Variants in ROBO1 observed in about 807,000 individuals in gnomAD.
ROBO1 encodes roundabout homolog 1.
Under a neutral mutation model 195.9 loss-of-function variants are expected in ROBO1, and 149 were observed. That is an observed-to-expected ratio of 0.76 (90% CI 0.67 to 0.87). The LOEUF is 0.87. Among genes scored for constraint, ROBO1 ranks in the 40% least tolerant of loss-of-function variants. The probability of loss-of-function intolerance (pLI) is 0.00; values close to 1 mark genes in which losing one functional copy is unlikely to be tolerated. For missense variants in ROBO1, 1,933 were observed against 2,068.3 expected, an observed-to-expected ratio of 0.93 and a Z score of 1.27; for synonymous variants, 816 against 733.2, an observed-to-expected ratio of 1.11 and a Z score of -1.82.
chr3:79,163,415 G>A (rs553637414), intron 2 of ROBO1, among the ~76,000 whole-genome samples: 1 of 151,982 alleles, frequency 6.6e-6, no homozygotes, highest in Non-Finnish European at 1.5e-5. Flanking sequence ...CATTTTGCTG[G>A]TTCATTCATC....
intron 2 of ROBO1, among the ~76,000 whole-genome samples, chr3:79,193,144 C>A (rs1437597999): frequency 6.6e-6 from 1 of 151,496 alleles, no homozygotes; most frequent in Admixed American, 6.6e-5. Context: ...ATGGATATAG[C>A]AAGAAGTGGA....
At chr3:79,079,914 AAATG>A (rs1249614232) in intron 3 of ROBO1, among the ~76,000 whole-genome samples, 1 of 151,882 alleles carries the variant, frequency 6.6e-6, no homozygotes, top group Non-Finnish European at 1.5e-5. Flanking sequence ...TTTTAAATAA[AAATG>A]AACACTTGAA....
At chr3:78,702,921 C>T (rs952343663) in intron 8 of ROBO1, among the ~76,000 whole-genome samples, 7 of 152,132 alleles carry the variant, frequency 4.6e-5, no homozygotes, top group Non-Finnish European at 8.8e-5. Flanking sequence ...CCTGACTGCT[C>T]GACTTATTTC....
intron 4 of ROBO1, among the ~76,000 whole-genome samples, chr3:78,869,945 A>T (rs2035448412): frequency 2.0e-5 from 3 of 152,178 alleles, no homozygotes; most frequent in Admixed American, 6.5e-5. Flanking sequence ...TTCACCTCAA[A>T]TTCTTCCTTA....
rs1055576125 is a variant in ROBO1, at chr3:78,659,588, C to A, written c.2442+98G>T. ...TGTTGCTATTTGGACCAGCAGATGG[C>A]GCCAAATATCCATAAACAAATACCA... On this transcript the variant is annotated intron_variant, in intron 17 of 30. Coordinates refer to ENST00000464233, the MANE Select transcript of ROBO1 (RefSeq NM_002941.4). The A allele has an allele frequency of 1.3e-5, 12 of 908,454 alleles. No individual in the cohort carries two copies. The African/African-American group carries it at 1.6e-4, about 12-fold the overall frequency. 56.3% of individuals were successfully genotyped at this position (908,454 alleles called of 1,614,324 possible). A position where few individuals can be genotyped will look rare whatever the true frequency, so the allele number is the denominator to read the frequency against.
At chr3:79,559,758 A>C (rs1942839433) in intron 2 of ROBO1, among the ~76,000 whole-genome samples, 1 of 152,098 alleles carries the variant, frequency 6.6e-6, no homozygotes, top group African/African-American at 2.4e-5. Context: ...CTCTACTAAA[A>C]ACACAAAAAT....
chr3:79,573,393 C>A (rs141432499), intron 2 of ROBO1, among the ~76,000 whole-genome samples: 224 of 152,000 alleles, frequency 1.5e-3, no homozygotes, highest in African/African-American at 5.1e-3. Context: ...AGTGAGTGCT[C>A]AATAAATGGA....
At chr3:79,061,047 G>A (rs1180793822) in intron 3 of ROBO1, among the ~76,000 whole-genome samples, 1 of 152,122 alleles carries the variant, frequency 6.6e-6, no homozygotes, top group Admixed American at 6.6e-5. Context: ...GTTAGGAAAA[G>A]AGGAAGTCAA....
chr3:78,653,457 A>C (rs925879945), intron 18 of ROBO1, among the ~76,000 whole-genome samples: 1 of 152,138 alleles, frequency 6.6e-6, no homozygotes, highest in African/African-American at 2.4e-5. Context: ...GGAACTCCCC[A>C]AAGGAAACCT....
chr3:79,108,369 TA>T (rs201394369), intron 3 of ROBO1, among the ~76,000 whole-genome samples: 8 of 150,928 alleles, frequency 5.3e-5, no homozygotes, highest in East Asian at 1.9e-4. Context: ...TAAAGATAAA[TA>T]AAAAAAAACT....
intron 3 of ROBO1, among the ~76,000 whole-genome samples, chr3:79,010,368 T>C (rs924508085): frequency 6.6e-6 from 1 of 152,190 alleles, no homozygotes; most frequent in Non-Finnish European, 1.5e-5. Flanking sequence ...TTTTTCATAC[T>C]GACAGACAGG....
intron 2 of ROBO1, among the ~76,000 whole-genome samples, chr3:79,285,409 A>T (rs1365613466): frequency 1.3e-5 from 2 of 152,240 alleles, no homozygotes; most frequent in Non-Finnish European, 1.5e-5. Flanking sequence ...AGTTATAAAC[A>T]TAGAATAGCC....
At chr3:79,545,157 T>C (rs985297259) in intron 2 of ROBO1, among the ~76,000 whole-genome samples, 1 of 152,140 alleles carries the variant, frequency 6.6e-6, no homozygotes, top group Non-Finnish European at 1.5e-5. Context: ...TTAAATAAAC[T>C]GCAGAGTTCC....
At chr3:79,253,731 AAAG>A (rs1559767582) in intron 2 of ROBO1, among the ~76,000 whole-genome samples, 1 of 152,216 alleles carries the variant, frequency 6.6e-6, no homozygotes, top group South Asian at 2.1e-4. Flanking sequence ...AAATCTTAAT[AAAG>A]AAGGAGGAAA....
chr3:79,609,699 A>G (rs1378727574), intron 1 of ROBO1, among the ~76,000 whole-genome samples: 2 of 151,934 alleles, frequency 1.3e-5, no homozygotes, highest in East Asian at 1.9e-4. Context: ...GTCACATGCT[A>G]TGACATGGAA....
At chr3:79,608,687 A>G (rs1944563907) in intron 1 of ROBO1, among the ~76,000 whole-genome samples, 1 of 151,972 alleles carries the variant, frequency 6.6e-6, no homozygotes, top group Non-Finnish European at 1.5e-5. Flanking sequence ...TCATGTAAAT[A>G]GGGCCATAGA....
chr3:78,738,272 C>CA (rs1180320036), intron 5 of ROBO1, among the ~76,000 whole-genome samples: 1 of 151,972 alleles, frequency 6.6e-6, no homozygotes, highest in Non-Finnish European at 1.5e-5. Flanking sequence ...CAATGGAAAT[C>CA]AAAGAAACCT....
At chr3:79,189,586 C>G (rs561643676) in intron 2 of ROBO1, among the ~76,000 whole-genome samples, 2 of 151,506 alleles carry the variant, frequency 1.3e-5, no homozygotes, top group East Asian at 3.9e-4. Flanking sequence ...TACCCATATT[C>G]CCAAAAAAGA....
At chr3:78,955,222 G>T (rs987770802) in intron 3 of ROBO1, among the ~76,000 whole-genome samples, 3 of 149,400 alleles carry the variant, frequency 2.0e-5, no homozygotes, top group South Asian at 2.1e-4. Flanking sequence ...TGTGTCATGG[G>T]GGTTATACAG....
Sources: allele counts gnomAD v4.1 joint callset (sites outside exome capture counted in the v4.1 genomes callset), GRCh38; gene constraint gnomAD v4.1.1; transcripts MANE v1.5; gene names NCBI Gene and HGNC (gene_info 2026-07-23, HGNC 2026-07-21).